TAT: variants seen among roughly 807,000 people sequenced by gnomAD.
TAT encodes L-tyrosine:2-oxoglutarate aminotransferase.
Under a neutral mutation model 53.6 loss-of-function variants are expected in TAT, and 35 were observed. The ratio of observed to expected loss-of-function variants is 0.65; its 90% CI spans 0.50 to 0.87. The LOEUF is 0.87. Among genes scored for constraint, TAT ranks in the 40% least tolerant of loss-of-function variants. The pLI is 0.00. For synonymous variants in TAT, 197 were observed against 206.5 expected (o/e 0.95, Z 0.39); for missense variants, 525 against 571.8 (o/e 0.92, Z 0.83).
At chr16:71,572,859 T>C (rs1448774526) in intron 4 of TAT, among the ~76,000 whole-genome samples, 171 bp from the exon 5 acceptor site, 3 of 152,254 alleles carry the variant, frequency 2.0e-5, no homozygotes, top group African/African-American at 2.4e-5. Context: ...TTGATAACTA[T>C]TGTTGAAATG....
intron 3 of TAT, 91 bp downstream of exon 3, chr16:71,575,831 A>G: frequency 7.8e-7 from 1 of 1,281,490 alleles, no homozygotes; most frequent in Non-Finnish European, 1.1e-6. Flanking sequence ...GTGCATCAGG[A>G]AAGTGAAGAG....
Position 71,568,784 on chromosome 16 carries a change from G to T in TAT, c.1151C>A (p.Pro384Gln). The T allele has an allele frequency of 6.2e-7, 1 of 1,613,928 alleles. No homozygotes were observed. The highest frequency in any genetic ancestry group is 8.5e-7 in the Non-Finnish European group (1 of 1,179,976). Residue 384 changes from proline to glutamine, a missense_variant, in exon 11 of 12, where the codon CCA (proline) becomes CAA (glutamine). Physicochemically the swap from Pro to Gln is moderately conservative, Grantham distance 76 (BLOSUM62 -1). Coordinates refer to ENST00000355962, the MANE Select transcript of TAT (RefSeq NM_000353.3). ...LMVGIEMEHF[P>Q]EFENDVEFTE... is the part of the protein sequence containing the mutation. ...GAACTCCACATCGTTCTCAAATTCT[G>T]GGAAATGTTCCATCTCAATTCCAAC...
chr16:71,573,605 G>A lies in TAT; in HGVS notation c.342C>T (p.Gly114=), dbSNP rs2044217900. ...GKYNGYAPSI[G]FLSSREEIAS... ...CAATCTCCTCCCGACTGGATAGGAA[G>A]CCTGAAAGAAAAGAGTGGAAAGTGG... The change falls in exon 4 of 12, where the codon GGC becomes GGT. Residue 114 remains glycine, a splice_region_variant and synonymous_variant. Transcript: ENST00000355962. 2 of 1,553,102 alleles carry A rather than the reference G, an allele frequency of 1.3e-6. No homozygotes were observed. Among genetic ancestry groups the A allele is most frequent in the East Asian group, 4.9e-5 (2 of 41,108 alleles).
chr16:71,575,758 G>T, intron 3 of TAT, 164 bp downstream of exon 3: 1 of 752,284 alleles, frequency 1.3e-6, no homozygotes, highest in Non-Finnish European at 2.3e-6. Flanking sequence ...TTGTATTTAA[G>T]CATCCCGAGA....
chr16:71,572,484 A>G (rs779668641), intron 5 of TAT, 46 bp downstream of exon 5: 1 of 1,613,172 alleles, frequency 6.2e-7, no homozygotes, highest in Non-Finnish European at 8.5e-7. Flanking sequence ...TATTTTTTAC[A>G]GGTTAGTAAC....
At chr16:71,570,065 A>G (rs537421226) in intron 9 of TAT, 128 bp from the exon 10 acceptor site, 143 of 1,316,276 alleles carry the variant, frequency 1.1e-4, no homozygotes, top group Non-Finnish European at 1.4e-4. Context: ...GGAGTGAAAA[A>G]GAAAAAGCTC....
At chr16:71,573,394 A>G (rs925888140) in intron 4 of TAT, 145 bp downstream of exon 4, 12 of 748,150 alleles carry the variant, frequency 1.6e-5, no homozygotes, top group African/African-American at 1.6e-4. Flanking sequence ...GACCCCAACT[A>G]TATGAGAAGT....
intron 8 of TAT, 56 bp downstream of exon 8, chr16:71,570,623 G>A (rs2044196014): frequency 1.2e-6 from 2 of 1,611,402 alleles, no homozygotes; most frequent in Non-Finnish European, 1.7e-6. Flanking sequence ...TCCCCACTGT[G>A]CTCATGAAAT....
chr16:71,572,481 T>C, intron 5 of TAT, 49 bp downstream of exon 5: 1 of 1,613,178 alleles, frequency 6.2e-7, no homozygotes, highest in South Asian at 1.1e-5. Flanking sequence ...ATATATTTTT[T>C]ACAGGTTAGT....
In TAT at chr16:71,573,559, C is replaced by G. The variant is rs2044217525; in HGVS notation, c.388G>C (p.Glu130Gln). The G allele has an allele frequency of 1.9e-6, 3 of 1,554,902 alleles. No individual in the cohort carries two copies. Among genetic ancestry groups the G allele is most frequent in the Non-Finnish European group, 2.6e-6 (3 of 1,148,516 alleles). The part of the protein sequence containing the change: ...EEIASYYHCP[E>Q]APLEAKDVIL... ...CTCACCTTAGCTTCTAGGGGTGCCT[C>G]AGGACAGTGGTAATAAGAAGCAATC... is the stretch of plus-strand genomic sequence containing the variant. The change falls in exon 4 of 12, where the codon GAG becomes CAG. Residue 130 changes from glutamate (E) to glutamine (Q), a missense_variant. Coordinates refer to ENST00000355962, the MANE Select transcript of TAT (RefSeq NM_000353.3).
At chr16:71,571,728 A>C in intron 6 of TAT, 70 bp from the exon 7 acceptor site, 1 of 1,413,338 alleles carries the variant, frequency 7.1e-7, no homozygotes, top group Non-Finnish European at 1.0e-6. Context: ...ACATAATATC[A>C]TGTAATTTCC....
chr16:71,569,201 C>T (rs567173793), intron 10 of TAT, among the ~76,000 whole-genome samples: 11 of 152,192 alleles, frequency 7.2e-5, no homozygotes, highest in Admixed American at 1.3e-4. Flanking sequence ...AATTCCCATA[C>T]ATTCCCAGAT....
chr16:71,574,029 C>A (rs915851819), intron 3 of TAT, among the ~76,000 whole-genome samples: 1 of 152,156 alleles, frequency 6.6e-6, no homozygotes, highest in East Asian at 1.9e-4. Context: ...CCCTGGAGGC[C>A]CAGCATGGGC....
intron 7 of TAT, 108 bp from the exon 8 acceptor site, chr16:71,570,939 A>C (rs545559056): frequency 7.4e-7 from 1 of 1,353,922 alleles, no homozygotes; most frequent in South Asian, 1.3e-5. Flanking sequence ...AGGTCCTTGG[A>C]TTAATGGGAT....
At position 71,572,563 on chromosome 16, in the gene TAT, A is replaced by T; in HGVS notation, c.534T>A (p.Ser178=). ...GFSLYKTLAE[S]MGIEVKLYNL... ...TGTAGAGTTTGACCTCAATTCCCAT[A>T]GACTCAGCCAGAGTCTTGTAGAGAG... The change falls in exon 5 of 12, where the codon TCT becomes TCA. Residue 178 remains serine, a synonymous_variant. Transcript: ENST00000355962. The T allele has an allele frequency of 6.2e-7, 1 of 1,614,252 alleles. No individual in the cohort carries two copies.
Position 71,567,366 on chromosome 16 carries a change from G to T in TAT, c.*778C>A, listed in dbSNP as rs1597051578. On this transcript the variant is annotated 3_prime_UTR_variant, in exon 12 of 12. Transcript: ENST00000355962. Reference sequence around the variant, plus strand: ...GGAGGTTGCAGTGAGCCGAGATCGCGCCACTGCACTCCAGCATGGGCGACA... The same window carrying T: ...GGAGGTTGCAGTGAGCCGAGATCGCTCCACTGCACTCCAGCATGGGCGACA... 6.6e-6 allele frequency: 1 copy of T among 152,164 alleles called. No homozygotes were observed. The highest frequency in any genetic ancestry group is 6.6e-5 in the Admixed American group (1 of 15,250). The allele number at this position is 152,164 out of a possible 1,614,324, so 9.4% of individuals were successfully genotyped here.
Position 71,576,029 on chromosome 16 carries a change from T to C in TAT, c.236-3A>G. 1 of 1,614,066 alleles carries C rather than the reference T, an allele frequency of 6.2e-7. No individual in the cohort carries two copies. The highest frequency in any genetic ancestry group is 8.5e-7 in the Non-Finnish European group (1 of 1,179,994). ...GTTTCCAAACACAGTAGGGTCCCCT[T>C]TTTATGGGAGGAAAACACAAAAGGA... On this transcript the variant is annotated splice_polypyrimidine_tract_variant and splice_region_variant and intron_variant, in intron 2 of 11. Transcript: ENST00000355962.
intron 6 of TAT, chr16:71,571,874 A>G: frequency 1.5e-6 from 1 of 646,402 alleles, no homozygotes; most frequent in East Asian, 2.7e-5. Flanking sequence ...ACTCTTCCAG[A>G]GTGCAGAGCC....
At position 71,570,968 on chromosome 16, in the gene TAT, T is replaced by C. The variant is rs557401046; in HGVS notation, c.760-137A>G. ...ATGGGATCATCCCTACCCTGAAGCA[T>C]GACTGGGATTGCAAGAGGCTTTGAA... On this transcript the variant is annotated intron_variant, in intron 7 of 11. Transcript: ENST00000355962. 5.2e-4 allele frequency: 566 copies of C among 1,084,074 alleles called. 4 individuals are homozygous for C. In the Middle Eastern group the frequency reaches 5.5e-3, roughly 11 times the overall value. 67.2% of individuals were successfully genotyped at this position (1,084,074 alleles called of 1,614,324 possible). A position where few individuals can be genotyped will look rare whatever the true frequency, so the allele number is the denominator to read the frequency against.
Sources: gnomAD v4.1 joint callset for allele counts (sites outside exome capture counted in the v4.1 genomes callset) on GRCh38, gnomAD v4.1.1 for gene constraint, MANE v1.5 for transcripts, NCBI Gene and HGNC (gene_info 2026-07-23, HGNC 2026-07-21) for gene names.